The following TNNI3K variants were observed in gnomAD, a reference collection of about 807,000 sequenced individuals.
The protein encoded by TNNI3K is TNNI3 interacting kinase.
A neutral mutation model predicts 114.5 loss-of-function variants in TNNI3K; 140 were observed. The observed-to-expected ratio is 1.22, with a 90% confidence interval of 1.07 to 1.41. The LOEUF is 1.41. TNNI3K is among the 40% of genes most tolerant of loss of function. The probability of loss-of-function intolerance (pLI) is 0.00; values close to 1 mark genes in which losing one functional copy is unlikely to be tolerated. For synonymous variants in TNNI3K, 347 were observed against 347.5 expected (o/e 1.00, Z 0.02); for missense variants, 1,125 against 1,007.6 (o/e 1.12, Z -1.58).
chr1:74,366,484 G>A (rs530904742), intron 11 of TNNI3K: 58 of 152,054 alleles, frequency 3.8e-4, no homozygotes, highest in African/African-American at 1.3e-3. Context: ...AGCACTTCAG[G>A]GTGGGCATTT....
At chr1:74,353,908 A>G in intron 10 of TNNI3K, 72 bp from the exon 11 acceptor site, 7 of 1,533,066 alleles carry the variant, frequency 4.6e-6, no homozygotes, top group Non-Finnish European at 6.1e-6. Flanking sequence ...TGTGGTGATG[A>G]CTGTCTTTTG....
intron 23 of TNNI3K, among the ~76,000 whole-genome samples, chr1:74,532,100 A>G (rs1033218518): frequency 6.6e-6 from 1 of 152,212 alleles, no homozygotes; most frequent in Non-Finnish European, 1.5e-5. Context: ...GTGTTTAGGA[A>G]GATGAATCCA....
chr1:74,303,464 C>T (rs553284353), intron 5 of TNNI3K, among the ~76,000 whole-genome samples: 15 of 152,168 alleles, frequency 9.9e-5, no homozygotes, highest in East Asian at 9.7e-4. Flanking sequence ...TGTGCTCAGC[C>T]GGTATACTGA....
In TNNI3K at chr1:74,363,089, T is replaced by C. The variant is rs142782519; in HGVS notation, c.1178-4167T>C. Among the ~76,000 whole-genome samples, 52 of 152,216 alleles carry C rather than the reference T, an allele frequency of 3.4e-4. No homozygotes were observed. The East Asian group carries it at 9.1e-3, about 27-fold the overall frequency. On this transcript the variant is annotated intron_variant, in intron 11 of 24. Transcript: ENST00000326637. ...GAAGTTTGATTATCTCTGGAGGTAT[T>C]CCATTAGTGTGCCTTGGTTATCTGG...
intron 23 of TNNI3K, among the ~76,000 whole-genome samples, chr1:74,498,204 C>T (rs1355249826): frequency 6.6e-6 from 1 of 152,160 alleles, no homozygotes; most frequent in Non-Finnish European, 1.5e-5. Context: ...CATGTTTATC[C>T]TACCATCAAC....
At chr1:74,406,269 T>C (rs369825931) in intron 17 of TNNI3K, among the ~76,000 whole-genome samples, 3 of 152,240 alleles carry the variant, frequency 2.0e-5, no homozygotes, top group South Asian at 4.1e-4. Flanking sequence ...GCTTTGAATG[T>C]GGCCCAACAA....
chr1:74,296,781 G>A (rs1258306622), intron 5 of TNNI3K, among the ~76,000 whole-genome samples: 1 of 152,138 alleles, frequency 6.6e-6, no homozygotes, highest in Non-Finnish European at 1.5e-5. Context: ...TTTGTGTCAA[G>A]CAACCAATCA....
intron 23 of TNNI3K, among the ~76,000 whole-genome samples, chr1:74,496,235 T>C (rs1159565085): frequency 6.6e-6 from 1 of 152,102 alleles, no homozygotes. Context: ...ATGCAGCTAA[T>C]GAGAGAGGAA....
intron 5 of TNNI3K, among the ~76,000 whole-genome samples, chr1:74,293,213 A>G (rs1227938263): frequency 2.0e-5 from 3 of 151,654 alleles, no homozygotes; most frequent in Non-Finnish European, 4.4e-5. Flanking sequence ...GAATCTACCA[A>G]CGTATTTTGT....
chr1:74,515,220 G>T (rs766398071), intron 23 of TNNI3K, among the ~76,000 whole-genome samples: 1 of 152,156 alleles, frequency 6.6e-6, no homozygotes, highest in Admixed American at 6.5e-5. Flanking sequence ...CCTAGGAAAT[G>T]AATACAGAGG....
chr1:74,235,527 A>G (rs746595037), intron 1 of TNNI3K, 36 bp downstream of exon 1: 1 of 1,153,112 alleles, frequency 8.7e-7, no homozygotes, highest in Admixed American at 2.3e-5. Flanking sequence ...CCTTAAGTGT[A>G]ATATGGTTCA....
At chr1:74,484,212 TAAA>T (rs36109808) in intron 21 of TNNI3K, among the ~76,000 whole-genome samples, 1 of 144,682 alleles carries the variant, frequency 6.9e-6, no homozygotes, top group African/African-American at 2.5e-5. Context: ...CCTGGTTGAT[TAAA>T]AAAAAAAAAA....
intron 4 of TNNI3K, among the ~76,000 whole-genome samples, chr1:74,254,805 G>T (rs950310582): frequency 6.6e-6 from 1 of 152,158 alleles, no homozygotes; most frequent in Non-Finnish European, 1.5e-5. Flanking sequence ...AGTGGTGAAA[G>T]GACAGCTACT....
intron 23 of TNNI3K, among the ~76,000 whole-genome samples, chr1:74,514,642 G>T (rs1390804916): frequency 1.3e-5 from 2 of 152,096 alleles, no homozygotes; most frequent in South Asian, 2.1e-4. Context: ...AGATAGTAAG[G>T]GGGGAAGCTG....
intron 17 of TNNI3K, chr1:74,416,206 C>T (rs1293205706): frequency 1.6e-5 from 13 of 803,360 alleles, no homozygotes; most frequent in Non-Finnish European, 2.0e-5. Context: ...TAGCATAGCA[C>T]CAAAATTCAA....
At chr1:74,366,019 C>A (rs959602093) in intron 11 of TNNI3K, among the ~76,000 whole-genome samples, 1 of 151,102 alleles carries the variant, frequency 6.6e-6, no homozygotes, top group Non-Finnish European at 1.5e-5. Context: ...TTTGTAAATA[C>A]CATGATTTTT....
At chr1:74,365,747 C>G (rs906249022) in intron 11 of TNNI3K, among the ~76,000 whole-genome samples, 2 of 152,016 alleles carry the variant, frequency 1.3e-5, no homozygotes, top group African/African-American at 2.4e-5. Flanking sequence ...TTTCCCTGAT[C>G]GTGAGCTCGC....
At chr1:74,347,775 GT>G (rs1356098279) in intron 9 of TNNI3K, among the ~76,000 whole-genome samples, 1 of 152,120 alleles carries the variant, frequency 6.6e-6, no homozygotes, top group Non-Finnish European at 1.5e-5. Context: ...TTTTTCATGT[GT>G]TTTTTGGCTG....
In TNNI3K at chr1:74,537,695, G is replaced by T. The variant is rs1646676449; in HGVS notation, c.2352-2539G>T. ...GCTATCTGTGTAATGAGGTTCACTA[G>T]CATACAAATACAGATAATTCTACCC... On this transcript the variant is annotated intron_variant, in intron 23 of 24. Transcript: ENST00000326637. 2.0e-5 allele frequency among the ~76,000 whole-genome samples: 3 copies of T among 152,150 alleles called. 1 individual carries two copies. In the South Asian group the frequency reaches 6.2e-4, roughly 32 times the overall value.
Sources: allele counts gnomAD v4.1 joint callset (sites outside exome capture counted in the v4.1 genomes callset), GRCh38; gene constraint gnomAD v4.1.1; transcripts MANE v1.5; gene names NCBI Gene and HGNC (gene_info 2026-07-23, HGNC 2026-07-21).